The following SPTAN1 variants were observed in gnomAD, a reference collection of about 807,000 sequenced individuals.
SPTAN1 encodes spectrin alpha chain, non-erythrocytic 1.
SPTAN1 carries 61 observed loss-of-function variants against 331.3 expected under a neutral mutation model. The observed-to-expected ratio is 0.18, with a 90% CI of 0.15 to 0.23. The LOEUF (loss-of-function observed/expected upper bound fraction) is 0.23. SPTAN1 is among the 10% of genes least tolerant of loss of function. The pLI, the probability that SPTAN1 is intolerant of heterozygous loss-of-function variation, is 1.00. For missense variants in SPTAN1, 2,043 were observed against 3,147.9 expected, an observed-to-expected ratio of 0.65 and a Z score of 8.40; for synonymous variants, 1,153 against 1,173.9, an observed-to-expected ratio of 0.98 and a Z score of 0.36.
chr9:128,569,901 C>T (rs1470297914), intron 3 of SPTAN1, among the ~76,000 whole-genome samples: 2 of 151,888 alleles, frequency 1.3e-5, no homozygotes, highest in Non-Finnish European at 2.9e-5. Context: ...TACAATTAGC[C>T]CTAAGATGTA....
chr9:128,604,550 G>T (rs950463706), intron 29 of SPTAN1, 133 bp downstream of exon 29: 10 of 836,680 alleles, frequency 1.2e-5, no homozygotes, highest in African/African-American at 1.7e-5. Context: ...ACATGGGGTG[G>T]GTGCTCAGTA....
intron 15 of SPTAN1, 81 bp from the exon 16 acceptor site, chr9:128,583,707 C>T: frequency 6.8e-7 from 1 of 1,470,040 alleles, no homozygotes. Flanking sequence ...TAGTCCTTCA[C>T]TAAGATACTA....
Position 128,633,480 on chromosome 9 carries a change from C to T in SPTAN1, c.*146C>T. On this transcript the variant is annotated 3_prime_UTR_variant, in exon 57 of 57. Coordinates refer to ENST00000372739, the MANE Select transcript of SPTAN1 (RefSeq NM_001130438.3). ...TTAGGAGAAAATGGTGCTTCACTAA[C>T]CCGCTTCCGGTCCAGTCACAATCAT... 7.3e-7 allele frequency: 1 copy of T among 1,375,690 alleles called. No individual in the cohort carries two copies. 85.2% of individuals were successfully genotyped at this position (1,375,690 alleles called of 1,614,324 possible).
At chr9:128,608,098 T>A (rs1856125997) in intron 33 of SPTAN1, 32 bp from the exon 34 acceptor site, 1 of 1,614,064 alleles carries the variant, frequency 6.2e-7, no homozygotes, top group African/African-American at 1.3e-5. Context: ...CTGAAGGGCC[T>A]CATTTTCTCA....
intron 43 of SPTAN1, 94 bp downstream of exon 43, chr9:128,618,202 C>G (rs1251615002): frequency 1.9e-6 from 3 of 1,563,038 alleles, no homozygotes; most frequent in Non-Finnish European, 1.7e-6. Context: ...GGCCCTCCTA[C>G]TGTCTCCTGG....
chr9:128,598,511 G>A lies in SPTAN1; in HGVS notation c.3519+7G>A. ...GCAGGCTGTGCAACAACAGGTAGGTGTCTCCATCTTGGAGTGAGGCTCTGT... is the reference window on the plus strand; with the variant it reads ...GCAGGCTGTGCAACAACAGGTAGGTATCTCCATCTTGGAGTGAGGCTCTGT... On this transcript the variant is annotated splice_region_variant and intron_variant, in intron 25 of 56. Transcript: ENST00000372739. 6 of 1,594,148 alleles carry A rather than the reference G, an allele frequency of 3.8e-6. No homozygotes were observed. The highest frequency in any genetic ancestry group is 5.1e-6 in the Non-Finnish European group (6 of 1,166,952).
chr9:128,591,085 A>G (rs746311922), intron 21 of SPTAN1, among the ~76,000 whole-genome samples: 1 of 151,258 alleles, frequency 6.6e-6, no homozygotes, highest in Non-Finnish European at 1.5e-5. Context: ...TTTATGAGAC[A>G]GAGTCTCGCT....
intron 45 of SPTAN1, among the ~76,000 whole-genome samples, chr9:128,623,614 CCTGG>C (rs1858246736): frequency 6.8e-6 from 1 of 147,906 alleles, no homozygotes. Flanking sequence ...TGCCACCAAA[CCTGG>C]CTAATTTTTT....
At chr9:128,563,881 G>A (rs768619495) in intron 1 of SPTAN1, among the ~76,000 whole-genome samples, 7 of 151,804 alleles carry the variant, frequency 4.6e-5, no homozygotes, top group South Asian at 2.1e-4. Flanking sequence ...CAAGCAATCC[G>A]CCCACCTCAG....
At chr9:128,620,758 T>C (rs1358763283) in intron 44 of SPTAN1, among the ~76,000 whole-genome samples, 1 of 152,154 alleles carries the variant, frequency 6.6e-6, no homozygotes, top group Non-Finnish European at 1.5e-5. Context: ...AGGCCTTTTC[T>C]GAGATGTGTT....
rs747006735 is a variant in SPTAN1, at chr9:128,627,642, C to T, written c.6689+144C>T. The T allele has an allele frequency of 5.0e-5, 45 of 898,664 alleles. No individual in the cohort carries two copies. The East Asian group carries it at 6.6e-4, about 13-fold the overall frequency. 55.7% of individuals were successfully genotyped at this position (898,664 alleles called of 1,614,324 possible). A position where few individuals can be genotyped will look rare whatever the true frequency, so the allele number is the denominator to read the frequency against. ...TAAAGCTGGGCTGGCAACGCCTGGT[C>T]GGGCTCTGGAGCCGGGAGTGGGGGC... On this transcript the variant is annotated intron_variant, in intron 50 of 56. Coordinates refer to ENST00000372739, the MANE Select transcript of SPTAN1 (RefSeq NM_001130438.3). This position sits in a 1 kb window ranked among gnomAD's most constrained non-coding sequence, Gnocchi z 4.9.
At chr9:128,632,512 G>C in intron 54 of SPTAN1, 28 bp downstream of exon 54, 2 of 1,614,190 alleles carry the variant, frequency 1.2e-6, no homozygotes, top group Non-Finnish European at 1.7e-6. Context: ...CGCCCTGGCT[G>C]GGTGGGGGGT....
rs1413611680 is a variant in SPTAN1 at position 128,628,200 on chromosome 9, G to A, written c.6707+258G>A. 4 of 651,594 alleles carry A rather than the reference G, an allele frequency of 6.1e-6. No individual in the cohort carries two copies. In the African/African-American group the frequency reaches 7.1e-5, roughly 12 times the overall value. 40.4% of individuals were successfully genotyped at this position (651,594 alleles called of 1,614,324 possible). ...TGGGCGATTCCAAGGGCTCACTTTGGGTAGGGAAGGTGATGAAGCACGAAG... is the reference window on the plus strand; with the variant it reads ...TGGGCGATTCCAAGGGCTCACTTTGAGTAGGGAAGGTGATGAAGCACGAAG... On this transcript the variant is annotated intron_variant, in intron 51 of 56. Coordinates refer to ENST00000372739, the MANE Select transcript of SPTAN1 (RefSeq NM_001130438.3).
chr9:128,617,859 T>G, intron 42 of SPTAN1, 99 bp downstream of exon 42: 1 of 1,611,640 alleles, frequency 6.2e-7, no homozygotes, highest in South Asian at 1.1e-5. Flanking sequence ...GTCCCTAAAG[T>G]GTTCATGACC....
chr9:128,594,804 C>CTTTTTTTTTTTTTTTTTTAATTTT (rs34874862), intron 24 of SPTAN1, among the ~76,000 whole-genome samples: 1 of 90,560 alleles, frequency 1.1e-5, no homozygotes, highest in Non-Finnish European at 2.2e-5. Flanking sequence ...ATGTATGTAG[C>CTTTTTTTTTTTTTTTTTTAATTTT]TTTTTTTTTT....
intron 3 of SPTAN1, among the ~76,000 whole-genome samples, chr9:128,573,390 G>A (rs535196413): frequency 2.0e-5 from 3 of 152,332 alleles, no homozygotes; most frequent in South Asian, 2.1e-4. Flanking sequence ...TTCACAGAAG[G>A]TCCAAAGTTT....
intron 1 of SPTAN1, among the ~76,000 whole-genome samples, chr9:128,563,277 G>A (rs1849628951): frequency 6.6e-6 from 1 of 151,830 alleles, no homozygotes; most frequent in Non-Finnish European, 1.5e-5. Context: ...TTATCCAGGT[G>A]TGCTGGCACC....
Position 128,627,824 on chromosome 9 carries a change from T to C in SPTAN1, c.6690-101T>C. ...GCGTTGGGTACTGATGTTCTTGCTT[T>C]TGTTTTCCTTTCTTTCTTGTGTCTT... is the stretch of plus-strand genomic sequence containing the variant. On this transcript the variant is annotated intron_variant, in intron 50 of 56. Coordinates refer to ENST00000372739, the MANE Select transcript of SPTAN1 (RefSeq NM_001130438.3). The surrounding 1 kb of genome is among the most constrained non-coding windows in gnomAD (Gnocchi z 4.9). 2.1e-6 allele frequency: 3 copies of C among 1,457,856 alleles called. No individual in the cohort carries two copies. The Admixed American group carries it at 5.0e-5, about 24-fold the overall frequency. The allele number at this position is 1,457,856 out of a possible 1,614,324, so 90.3% of individuals were successfully genotyped here. A position where few individuals can be genotyped will look rare whatever the true frequency, so the allele number is the denominator to read the frequency against.
At position 128,627,752 on chromosome 9, in the gene SPTAN1, G is replaced by A. The variant is rs537946397; in HGVS notation, c.6690-173G>A. ...GATTGAGTGGGACCATGCAGGGCGC[G>A]TGGTCAGCCCCAGCCATGACTTGGT... On this transcript the variant is annotated intron_variant, in intron 50 of 56. Transcript: ENST00000372739. This position sits in a 1 kb window ranked among gnomAD's most constrained non-coding sequence, Gnocchi z 4.9. The A allele has an allele frequency of 5.7e-5, 50 of 884,546 alleles. No individual in the cohort carries two copies. The highest frequency in any genetic ancestry group is 5.2e-4 in the South Asian group (38 of 73,566). 54.8% of individuals were successfully genotyped at this position (884,546 alleles called of 1,614,324 possible). A position where few individuals can be genotyped will look rare whatever the true frequency, so the allele number is the denominator to read the frequency against.
Sources: gnomAD v4.1 joint callset for allele counts (sites outside exome capture counted in the v4.1 genomes callset) on GRCh38, gnomAD v4.1.1 for gene constraint, Gnocchi (gnomAD v3.1) non-coding constraint, MANE v1.5 for transcripts, NCBI Gene and HGNC (gene_info 2026-07-23, HGNC 2026-07-21) for gene names.